Variants in FHIT observed in about 807,000 individuals in gnomAD.
FHIT encodes fragile histidine triad diadenosine triphosphatase.
FHIT carries 19 observed loss-of-function variants against 17.9 expected under a neutral mutation model. The ratio of observed to expected loss-of-function variants is 1.06; its 90% CI spans 0.74 to 1.56. The LOEUF (loss-of-function observed/expected upper bound fraction) is 1.56. Among genes scored for constraint, FHIT ranks in the 40% most tolerant of loss-of-function variants. FHIT has a pLI of 0.00. For missense variants in FHIT, 248 were observed against 189.2 expected (o/e 1.31, Z -1.82); for synonymous variants, 81 against 69.7 (o/e 1.16, Z -0.81).
intron 3 of FHIT, among the ~76,000 whole-genome samples, chr3:60,894,142 T>G (rs1705662804): frequency 6.6e-6 from 1 of 152,206 alleles, no homozygotes. Flanking sequence ...TTGGTTTATC[T>G]GGCATCTGAA....
Position 60,768,451 on chromosome 3 carries a change from T to A in FHIT, c.-18+53468A>T, listed in dbSNP as rs1249412936. Among the ~76,000 whole-genome samples the A allele has an allele frequency of 2.0e-5, 3 of 152,306 alleles. No individual in the cohort carries two copies. The East Asian group carries it at 5.8e-4, about 29-fold the overall frequency. On this transcript the variant is annotated intron_variant, in intron 4 of 9. Transcript: ENST00000492590. The stretch of plus-strand genomic sequence containing the variant: ...CCAACTCAGAGCTTAATCAGCATAT[T>A]CATAAAAGCTATTTAGTATCTACGG...
At chr3:61,127,094 T>A (rs545098838) in intron 2 of FHIT, among the ~76,000 whole-genome samples, 81 of 152,294 alleles carry the variant, frequency 5.3e-4, no homozygotes, top group Non-Finnish European at 9.9e-4. Context: ...GAGCAGGTTG[T>A]GAACCAAGGA....
chr3:60,119,629 G>C (rs1179795051), intron 5 of FHIT, among the ~76,000 whole-genome samples: 1 of 152,096 alleles, frequency 6.6e-6, no homozygotes, highest in East Asian at 1.9e-4. Context: ...GTCGGGTAAG[G>C]AAATCAAGAC....
chr3:60,787,709 C>T (rs67843484), intron 4 of FHIT, among the ~76,000 whole-genome samples: 8,607 of 152,314 alleles, frequency 0.057, 260 homozygotes, highest in African/African-American at 0.085. Context: ...ATACTTGCCA[C>T]ATTTCTGTGG....
intron 7 of FHIT, among the ~76,000 whole-genome samples, chr3:59,975,090 AG>A (rs1191967149): frequency 6.6e-6 from 1 of 152,074 alleles, no homozygotes; most frequent in Non-Finnish European, 1.5e-5. Context: ...AAGAAGACAG[AG>A]ATTTTTATCA....
At chr3:60,433,367 T>A (rs186453915) in intron 5 of FHIT, among the ~76,000 whole-genome samples, 92 of 152,250 alleles carry the variant, frequency 6.0e-4, no homozygotes, top group African/African-American at 2.2e-3. Context: ...TTATGAATAA[T>A]GCTGCAATGA....
intron 4 of FHIT, among the ~76,000 whole-genome samples, chr3:60,675,805 C>G (rs2040610273): frequency 6.6e-6 from 1 of 152,170 alleles, no homozygotes; most frequent in Non-Finnish European, 1.5e-5. Flanking sequence ...AATAAAGGTG[C>G]AATCACAGCA....
At chr3:60,023,747 G>C (rs575386466) in intron 5 of FHIT, among the ~76,000 whole-genome samples, 6 of 152,334 alleles carry the variant, frequency 3.9e-5, no homozygotes, top group Non-Finnish European at 8.8e-5. Flanking sequence ...CTCCTTTATA[G>C]ATAGGCTCAA....
intron 5 of FHIT, among the ~76,000 whole-genome samples, chr3:60,470,549 G>T (rs926451127): frequency 6.6e-6 from 1 of 151,750 alleles, no homozygotes; most frequent in African/African-American, 2.4e-5. Context: ...GAGGTCCAAG[G>T]GCTCTTCAGT....
chr3:60,236,293 G>A (rs553649655), intron 5 of FHIT, among the ~76,000 whole-genome samples: 7 of 148,552 alleles, frequency 4.7e-5, no homozygotes, highest in Middle Eastern at 3.4e-3. Context: ...AGGCCCTTGA[G>A]GACAAAGATA....
chr3:60,063,902 G>A (rs571865672), intron 5 of FHIT, among the ~76,000 whole-genome samples: 9 of 152,240 alleles, frequency 5.9e-5, no homozygotes, highest in Admixed American at 5.9e-4. Context: ...CAGCTATTAA[G>A]AATAATGAGG....
intron 5 of FHIT, among the ~76,000 whole-genome samples, chr3:60,205,933 C>G (rs1310983323): frequency 6.6e-6 from 1 of 150,790 alleles, no homozygotes. Flanking sequence ...ACGGTGAAAC[C>G]CCGTCTCTAC....
intron 5 of FHIT, among the ~76,000 whole-genome samples, chr3:60,458,404 G>T (rs2032246636): frequency 6.7e-6 from 1 of 149,226 alleles, no homozygotes; most frequent in African/African-American, 2.5e-5. Flanking sequence ...ACACAGGAAA[G>T]GGAACATCAC....
At chr3:60,282,224 C>T (rs761798378) in intron 5 of FHIT, among the ~76,000 whole-genome samples, 4 of 152,140 alleles carry the variant, frequency 2.6e-5, no homozygotes, top group Non-Finnish European at 4.4e-5. Flanking sequence ...CTTATAGAAA[C>T]TTTATTCATA....
chr3:60,153,621 C>G (rs139461744), intron 5 of FHIT, among the ~76,000 whole-genome samples: 2 of 152,166 alleles, frequency 1.3e-5, no homozygotes, highest in African/African-American at 4.8e-5. Flanking sequence ...GTCTTAGGGA[C>G]ACCAATCCAG....
chr3:61,188,779 C>G (rs1241928785), intron 2 of FHIT, among the ~76,000 whole-genome samples: 6 of 152,018 alleles, frequency 3.9e-5, no homozygotes, highest in Non-Finnish European at 8.8e-5. Context: ...TGGTTCAATA[C>G]ACTCAAATCA....
Position 59,784,611 on chromosome 3 carries a change from C to T in FHIT, c.349-32290G>A, listed in dbSNP as rs917280018. 4.6e-5 allele frequency among the ~76,000 whole-genome samples: 7 copies of T among 152,174 alleles called. No individual in the cohort carries two copies. In the East Asian group the frequency reaches 5.8e-4, roughly 13 times the overall value. The stretch of plus-strand genomic sequence containing the variant: ...GGTGGCTTTACGTAGAACGCAGTCA[C>T]GACCTTAAAAAATGTTGAATCACAT... On this transcript the variant is annotated intron_variant, in intron 8 of 9. Transcript: ENST00000492590.
chr3:60,305,172 GA>G (rs1708616365), intron 5 of FHIT, among the ~76,000 whole-genome samples: 1 of 152,130 alleles, frequency 6.6e-6, no homozygotes, highest in Admixed American at 6.5e-5. Flanking sequence ...TGTTAAGACA[GA>G]AGCATGAATA....
chr3:60,485,076 A>G (rs1404659511), intron 5 of FHIT, among the ~76,000 whole-genome samples: 1 of 152,262 alleles, frequency 6.6e-6, no homozygotes, highest in Non-Finnish European at 1.5e-5. Flanking sequence ...TGATCATCAG[A>G]GAAATGCAAA....
Sources: gnomAD v4.1 joint callset for allele counts (sites outside exome capture counted in the v4.1 genomes callset) on GRCh38, gnomAD v4.1.1 for gene constraint, MANE v1.5 for transcripts, NCBI Gene and HGNC (gene_info 2026-07-23, HGNC 2026-07-21) for gene names.